PLA1A: variants seen among roughly 807,000 people sequenced by gnomAD.
PLA1A encodes the protein phospholipase A1 member A.
A neutral mutation model predicts 49.4 loss-of-function variants in PLA1A; 47 were observed. The observed-to-expected ratio is 0.95, with a 90% CI of 0.75 to 1.21. The LOEUF (loss-of-function observed/expected upper bound fraction) is 1.21, where lower values mean the gene tolerates loss of function less well. Among genes scored for constraint, PLA1A ranks in the 50% most tolerant of loss-of-function variants. The probability of loss-of-function intolerance (pLI) is 0.00; values close to 1 mark genes in which losing one functional copy is unlikely to be tolerated. For missense variants in PLA1A, 561 were observed against 563.9 expected (o/e 0.99, Z 0.05); for synonymous variants, 224 against 207.9 (o/e 1.08, Z -0.67).
At chr3:119,624,603 T>C (rs1006863890) in intron 8 of PLA1A, among the ~76,000 whole-genome samples, 1 of 152,094 alleles carries the variant, frequency 6.6e-6, no homozygotes, top group African/African-American at 2.4e-5. Context: ...TTCATACATA[T>C]TAACCCACTT....
At chr3:119,625,323 T>C (rs2052503026) in intron 9 of PLA1A, 91 bp downstream of exon 9, 1 of 814,742 alleles carries the variant, frequency 1.2e-6, no homozygotes. Flanking sequence ...TCAGGGACTG[T>C]GTGATTGCTG....
chr3:119,599,216 A>G (rs1181592946), intron 1 of PLA1A, among the ~76,000 whole-genome samples: 1 of 152,186 alleles, frequency 6.6e-6, no homozygotes, highest in Admixed American at 6.5e-5. Flanking sequence ...TCCTTACCAG[A>G]TAGGAATGCT....
intron 8 of PLA1A, among the ~76,000 whole-genome samples, chr3:119,621,171 T>C (rs1399806028): frequency 6.6e-6 from 1 of 152,216 alleles, no homozygotes; most frequent in Non-Finnish European, 1.5e-5. Flanking sequence ...TCTGTGTCTG[T>C]GCAGCTAAGA....
chr3:119,601,506 C>T (rs941639790), intron 1 of PLA1A, among the ~76,000 whole-genome samples: 8 of 152,156 alleles, frequency 5.3e-5, no homozygotes, highest in African/African-American at 1.9e-4. Flanking sequence ...ATTCTGCACC[C>T]CTCATTTCTA....
chr3:119,619,760 C>T (rs1047213699), intron 8 of PLA1A, 108 bp downstream of exon 8: 5 of 798,454 alleles, frequency 6.3e-6, no homozygotes, highest in Admixed American at 6.1e-5. Context: ...AAAGGCATCA[C>T]CGGAGGTGTG....
chr3:119,616,665 G>A (rs1357117167), intron 6 of PLA1A, among the ~76,000 whole-genome samples: 1 of 152,146 alleles, frequency 6.6e-6, no homozygotes, highest in Non-Finnish European at 1.5e-5. Flanking sequence ...TGTTTACTAT[G>A]TTTTTAGTCT....
chr3:119,609,420 C>A, intron 3 of PLA1A, 48 bp from the exon 4 acceptor site: 1 of 1,190,886 alleles, frequency 8.4e-7, no homozygotes, highest in African/African-American at 1.5e-5. Context: ...ACTGTGAAGC[C>A]AGCAGACTCT....
chr3:119,618,105 C>T lies in PLA1A; in HGVS notation c.841C>T (p.Pro281Ser), dbSNP rs753363283. 2 of 1,613,824 alleles carry T rather than the reference C, an allele frequency of 1.2e-6. No homozygotes were observed. The highest frequency in any genetic ancestry group is 3.3e-5 in the Admixed American group (2 of 60,008). Residue 281 changes from proline to serine, a missense_variant, in exon 7 of 11, where the codon CCC becomes TCC. Coordinates refer to ENST00000273371, the MANE Select transcript of PLA1A (RefSeq NM_015900.4). ...LENSCPLMAF[P>S]CASYKAFLAG... ...GAATTCCTGTCCACTGATGGCCTTT[C>T]CCTGTGCCAGCTACAAGGCCTTCCT...
intron 1 of PLA1A, among the ~76,000 whole-genome samples, chr3:119,603,144 TG>T (rs1165996976): frequency 1.3e-5 from 2 of 150,104 alleles, no homozygotes; most frequent in Non-Finnish European, 3.0e-5. Context: ...TGGAGACTTT[TG>T]CACAGAGATG....
At chr3:119,621,320 C>T (rs1393891725) in intron 8 of PLA1A, among the ~76,000 whole-genome samples, 1 of 152,220 alleles carries the variant, frequency 6.6e-6, no homozygotes, top group African/African-American at 2.4e-5. Flanking sequence ...CCTTCAGAAG[C>T]GTAGCCCTGT....
chr3:119,628,578 G>A (rs1246023192), intron 9 of PLA1A, 123 bp from the exon 10 acceptor site: 1 of 760,862 alleles, frequency 1.3e-6, no homozygotes, highest in Non-Finnish European at 2.2e-6. Flanking sequence ...CTGTGGTAAG[G>A]AGCTAACCCC....
At chr3:119,621,228 T>C (rs927540251) in intron 8 of PLA1A, among the ~76,000 whole-genome samples, 2 of 152,168 alleles carry the variant, frequency 1.3e-5, no homozygotes, top group East Asian at 1.9e-4. Flanking sequence ...ACTAACAGCA[T>C]GTTAAGGTCC....
chr3:119,618,220 T>C, intron 7 of PLA1A, 34 bp downstream of exon 7: 1 of 1,561,978 alleles, frequency 6.4e-7, no homozygotes, highest in Non-Finnish European at 8.7e-7. Context: ...CCTTTGACAA[T>C]GTGGGGAAGT....
chr3:119,613,361 A>G (rs2082796062), intron 5 of PLA1A, among the ~76,000 whole-genome samples: 1 of 152,256 alleles, frequency 6.6e-6, no homozygotes, highest in South Asian at 2.1e-4. Context: ...GACCAAAAGT[A>G]TTTGGTTATG....
At chr3:119,607,667 T>G (rs959907797) in intron 2 of PLA1A, among the ~76,000 whole-genome samples, 6 of 152,232 alleles carry the variant, frequency 3.9e-5, no homozygotes, top group Non-Finnish European at 7.3e-5. Context: ...CTCAGGTCCC[T>G]GGACTCCAGA....
In PLA1A at chr3:119,629,497, C is replaced by G. The variant is rs762315018; in HGVS notation, c.*29C>G. 2 of 892,954 alleles carry G rather than the reference C, an allele frequency of 2.2e-6. No homozygotes were observed. Among genetic ancestry groups the G allele is most frequent in the Non-Finnish European group, 3.2e-6 (2 of 617,364 alleles). The allele number at this position is 892,954 out of a possible 1,614,324, so 55.3% of individuals were successfully genotyped here. On this transcript the variant is annotated 3_prime_UTR_variant, in exon 11 of 11. Transcript: ENST00000273371. ...AACCTGGGCAGGACACATCTCCCTG[C>G]ATTTTTTTTTTTTTTTTGAGAGAGA...
At chr3:119,623,851 A>G (rs1278042283) in intron 8 of PLA1A, among the ~76,000 whole-genome samples, 1 of 147,696 alleles carries the variant, frequency 6.8e-6, no homozygotes, top group Non-Finnish European at 1.5e-5. Flanking sequence ...CAGCCTCCTT[A>G]GTAGCTGGGG....
intron 2 of PLA1A, 142 bp from the exon 3 acceptor site, chr3:119,608,628 A>G (rs2082725877): frequency 1.5e-6 from 1 of 680,230 alleles, no homozygotes; most frequent in Non-Finnish European, 2.6e-6. Flanking sequence ...CCTATGCTCC[A>G]AGTACTGTGT....
chr3:119,618,121 A>G lies in PLA1A; in HGVS notation c.857A>G (p.Lys286Arg), dbSNP rs2082877936. 6 of 1,614,168 alleles carry G rather than the reference A, an allele frequency of 3.7e-6. No individual in the cohort carries two copies. Among genetic ancestry groups the G allele is most frequent in the Non-Finnish European group, 5.1e-6 (6 of 1,180,008 alleles). ...ATGGCCTTTCCCTGTGCCAGCTACA[A>G]GGCCTTCCTTGCTGGACGCTGTCTG... is the stretch of plus-strand genomic sequence containing the variant. ...PLMAFPCASYKAFLAGRCLDC... is the reference protein window; with the variant it reads ...PLMAFPCASYRAFLAGRCLDC... Residue 286 changes from lysine (K) to arginine (R), a missense_variant, in exon 7 of 11, where the codon AAG (lysine) becomes AGG (arginine). Physicochemically the swap from Lys to Arg is conservative, Grantham distance 26 (BLOSUM62 2). Coordinates refer to ENST00000273371, the MANE Select transcript of PLA1A (RefSeq NM_015900.4).
Sources: allele counts gnomAD v4.1 joint callset (sites outside exome capture counted in the v4.1 genomes callset), GRCh38; gene constraint gnomAD v4.1.1; transcripts MANE v1.5; gene names NCBI Gene and HGNC (gene_info 2026-07-23, HGNC 2026-07-21).